MGAT4C: variants seen among roughly 807,000 people sequenced by gnomAD.
MGAT4C encodes the protein alpha-1,3-mannosyl-glycoprotein 4-beta-N-acetylglucosaminyltransferase C.
In MGAT4C, 19 loss-of-function variants were observed where a neutral mutation model predicts 40.1. The ratio of observed to expected loss-of-function variants is 0.47; its 90% confidence interval spans 0.33 to 0.70. The LOEUF (loss-of-function observed/expected upper bound fraction) is 0.70. Among genes scored for constraint, MGAT4C ranks in the 30% least tolerant of loss-of-function variants. The pLI, the probability that MGAT4C is intolerant of heterozygous loss-of-function variation, is 0.02. For synonymous variants in MGAT4C, 181 were observed against 187.1 expected, an observed-to-expected ratio of 0.97 and a Z score of 0.27; for missense variants, 491 against 563.2, an observed-to-expected ratio of 0.87 and a Z score of 1.30.
intron 2 of MGAT4C, among the ~76,000 whole-genome samples, chr12:86,674,213 T>C (rs1320897437): frequency 6.6e-6 from 1 of 152,122 alleles, no homozygotes; most frequent in Non-Finnish European, 1.5e-5. Flanking sequence ...CAGATCAAAA[T>C]ATGTACTTTT....
Position 86,254,814 on chromosome 12 carries a change from T to G in MGAT4C, c.-57+1425A>C, listed in dbSNP as rs114859260. On this transcript the variant is annotated intron_variant, in intron 1 of 4. Coordinates refer to ENST00000611864, the MANE Select transcript of MGAT4C (RefSeq NM_001351288.2). ...GTTGTGGCTGAGACATTAAGCTCAC[T>G]TGTTTAGATTTAATTAATACACGTC... Among the ~76,000 whole-genome samples the G allele has an allele frequency of 2.3e-3, 355 of 152,202 alleles. 1 individual carries two copies. Among genetic ancestry groups the G allele is most frequent in the African/African-American group, 7.9e-3 (329 of 41,568 alleles).
At chr12:86,774,396 C>CCT (rs148122088) in intron 1 of MGAT4C, among the ~76,000 whole-genome samples, 17,814 of 92,208 alleles carry the variant, frequency 0.19, 4,016 homozygotes, top group East Asian at 0.43. Flanking sequence ...CTCTCTCTCT[C>CCT]CTCTCTCTCT....
chr12:86,066,212 T>C (rs887486057), intron 1 of MGAT4C, among the ~76,000 whole-genome samples: 3 of 152,122 alleles, frequency 2.0e-5, no homozygotes, highest in African/African-American at 7.2e-5. Flanking sequence ...AAAACTACTT[T>C]AAATTTCATA....
chr12:86,466,721 G>T (rs1478674347), intron 2 of MGAT4C, among the ~76,000 whole-genome samples: 1 of 152,182 alleles, frequency 6.6e-6, no homozygotes, highest in Non-Finnish European at 1.5e-5. Context: ...ACGTAGGCTT[G>T]TCAGTTTTAA....
chr12:86,125,813 GATA>G (rs1355736391), intron 1 of MGAT4C, among the ~76,000 whole-genome samples: 1 of 151,962 alleles, frequency 6.6e-6, no homozygotes, highest in Non-Finnish European at 1.5e-5. Flanking sequence ...ATTTTAAAAT[GATA>G]ATAACCCCAA....
chr12:86,085,290 C>T (rs1871574093), intron 1 of MGAT4C, among the ~76,000 whole-genome samples: 1 of 152,010 alleles, frequency 6.6e-6, no homozygotes, highest in Admixed American at 6.6e-5. Context: ...TGCCTATGTC[C>T]TGAACAGTAT....
intron 2 of MGAT4C, among the ~76,000 whole-genome samples, chr12:86,473,245 C>T (rs1427591079): frequency 6.6e-6 from 1 of 152,162 alleles, no homozygotes; most frequent in Non-Finnish European, 1.5e-5. Flanking sequence ...GCATGAGCCA[C>T]TGCACCGGGC....
rs145423225 is a variant in MGAT4C, at chr12:86,380,749, A to C, written c.-119-46622T>G. On this transcript the variant is annotated intron_variant, in intron 3 of 7. Transcript: ENST00000548651. ...TAAAACCTACATTTTATTCAAAAAT[A>C]TGCAGTTTTTGAAGATGCTTTAACA... Among the ~76,000 whole-genome samples, 90 of 152,336 alleles carry C rather than the reference A, an allele frequency of 5.9e-4. 2 individuals are homozygous for C. Among genetic ancestry groups the C allele is most frequent in the Non-Finnish European group, 1.0e-3 (71 of 68,028 alleles).
chr12:86,814,089 T>G (rs551885766), intron 1 of MGAT4C, among the ~76,000 whole-genome samples: 1 of 151,928 alleles, frequency 6.6e-6, no homozygotes, highest in Non-Finnish European at 1.5e-5. Context: ...TTTTTTGTAT[T>G]TTAGTAGAGA....
At chr12:86,561,118 T>A (rs2136408711) in intron 2 of MGAT4C, among the ~76,000 whole-genome samples, 1 of 152,278 alleles carries the variant, frequency 6.6e-6, no homozygotes, top group African/African-American at 2.4e-5. Context: ...CTCATGCTCA[T>A]GAACTGGAAG....
At chr12:86,367,202 T>A (rs1297029516) in intron 3 of MGAT4C, among the ~76,000 whole-genome samples, 1 of 151,808 alleles carries the variant, frequency 6.6e-6, no homozygotes, top group Non-Finnish European at 1.5e-5. Flanking sequence ...AAAGGGCAGA[T>A]AGTAAAACAC....
At chr12:86,054,621 C>T (rs1893211483) in intron 1 of MGAT4C, among the ~76,000 whole-genome samples, 1 of 151,828 alleles carries the variant, frequency 6.6e-6, no homozygotes, top group Non-Finnish European at 1.5e-5. Flanking sequence ...TCAATTTAGC[C>T]ATTCCACAAT....
chr12:86,014,049 C>T (rs1357533143), intron 2 of MGAT4C, among the ~76,000 whole-genome samples: 1 of 152,106 alleles, frequency 6.6e-6, no homozygotes, highest in Non-Finnish European at 1.5e-5. Context: ...CCTGCTTCTC[C>T]TTCCAGATTC....
At chr12:86,741,449 T>G (rs1951068060) in intron 1 of MGAT4C, among the ~76,000 whole-genome samples, 1 of 151,340 alleles carries the variant, frequency 6.6e-6, no homozygotes, top group African/African-American at 2.4e-5. Context: ...TTCCTCACTT[T>G]TTGCATAACA....
At chr12:86,155,208 A>T (rs976789278) in intron 1 of MGAT4C, among the ~76,000 whole-genome samples, 9 of 152,214 alleles carry the variant, frequency 5.9e-5, no homozygotes, top group African/African-American at 2.2e-4. Context: ...ATGTAGCAGA[A>T]ATCATAAAAG....
At chr12:86,647,496 A>G (rs374865281) in intron 2 of MGAT4C, among the ~76,000 whole-genome samples, 2 of 152,004 alleles carry the variant, frequency 1.3e-5, no homozygotes, top group South Asian at 4.1e-4. Flanking sequence ...CTCTTTTCTC[A>G]GTTCTGCACT....
At chr12:85,992,014 G>A (rs751434339) in intron 2 of MGAT4C, among the ~76,000 whole-genome samples, 4 of 152,088 alleles carry the variant, frequency 2.6e-5, no homozygotes, top group East Asian at 3.9e-4. Context: ...AGCAACATAC[G>A]TTTCTGGCCA....
intron 1 of MGAT4C, among the ~76,000 whole-genome samples, chr12:86,743,229 A>C (rs923535577): frequency 1.3e-5 from 2 of 151,350 alleles, no homozygotes; most frequent in African/African-American, 2.4e-5. Context: ...AGTTAATATA[A>C]GCATTTCTTC....
At chr12:86,795,137 T>G (rs1725620642) in intron 1 of MGAT4C, among the ~76,000 whole-genome samples, 1 of 152,002 alleles carries the variant, frequency 6.6e-6, no homozygotes, top group Non-Finnish European at 1.5e-5. Flanking sequence ...TTTTTAAGTC[T>G]GTGTTTTCCT....
Sources: gnomAD v4.1 joint callset for allele counts (sites outside exome capture counted in the v4.1 genomes callset) on GRCh38, gnomAD v4.1.1 for gene constraint, MANE v1.5 for transcripts, NCBI Gene and HGNC (gene_info 2026-07-23, HGNC 2026-07-21) for gene names.